The following CPVL variants were observed in gnomAD, a reference collection of about 807,000 sequenced individuals.
CPVL encodes carboxypeptidase vitellogenic like.
In CPVL, 51 loss-of-function variants were observed where a neutral mutation model predicts 63.7. The observed-to-expected ratio is 0.80, with a 90% CI of 0.64 to 1.01. The LOEUF is 1.01. CPVL is among the 50% of genes least tolerant of loss of function. CPVL has a pLI of 0.00. For synonymous variants in CPVL, 195 were observed against 206.0 expected (o/e 0.95, Z 0.46); for missense variants, 530 against 573.1 (o/e 0.92, Z 0.77).
chr7:29,144,621 T>C (rs1166202441), intron 1 of CPVL, among the ~76,000 whole-genome samples: 1 of 152,122 alleles, frequency 6.6e-6, no homozygotes, highest in East Asian at 1.9e-4. Context: ...AACAGATATC[T>C]GATGATACCT....
chr7:29,142,134 G>A (rs541176136), intron 1 of CPVL, among the ~76,000 whole-genome samples: 1 of 152,300 alleles, frequency 6.6e-6, no homozygotes, highest in African/African-American at 2.4e-5. Context: ...CACTTTACTA[G>A]TGCAGATATG....
At chr7:29,056,214 T>C (rs1790715612) in intron 11 of CPVL, among the ~76,000 whole-genome samples, 1 of 152,194 alleles carries the variant, frequency 6.6e-6, no homozygotes, top group Non-Finnish European at 1.5e-5. Context: ...AAGTCCACAG[T>C]TCACATTAGA....
rs188290400 is a variant in CPVL, at chr7:29,061,318, C to A, written c.1137+2743G>T. ...ATCTCAGCTACTCAGGAGGCTGAGG[C>A]AGGAGAATCACTTGAACCCGGGATG... On this transcript the variant is annotated intron_variant, in intron 11 of 12. Transcript: ENST00000265394. Among the ~76,000 whole-genome samples the A allele has an allele frequency of 1.6e-3, 243 of 152,226 alleles. 2 individuals carry two copies. The highest frequency in any genetic ancestry group is 5.4e-3 in the African/African-American group (224 of 41,524).
rs1271261043 is a variant in CPVL at position 28,995,300 on chromosome 7, T to C, written c.*472A>G. The C allele has an allele frequency of 6.5e-6, 1 of 152,988 alleles. No individual in the cohort carries two copies. The highest frequency in any genetic ancestry group is 1.5e-5 in the Non-Finnish European group (1 of 68,642). The allele number at this position is 152,988 out of a possible 1,614,324, so 9.5% of individuals were successfully genotyped here. A position where few individuals can be genotyped will look rare whatever the true frequency, so the allele number is the denominator to read the frequency against. ...CTAAGACTTTATACATTTGAGAATC[T>C]TTTCCCCAAAACTATTATAGCTTCA... On this transcript the variant is annotated 3_prime_UTR_variant, in exon 13 of 13. Transcript: ENST00000265394.
At chr7:29,006,201 C>T (rs57378958) in intron 12 of CPVL, among the ~76,000 whole-genome samples, 13,793 of 152,182 alleles carry the variant, frequency 0.091, 1,881 homozygotes, top group African/African-American at 0.3. Context: ...AAATTGGCTG[C>T]GTGAGAGTAT....
chr7:29,141,025 A>G (rs1261676431), intron 1 of CPVL, among the ~76,000 whole-genome samples: 1 of 152,286 alleles, frequency 6.6e-6, no homozygotes, highest in Middle Eastern at 3.4e-3. Flanking sequence ...CCCTTCCTGT[A>G]GAGTTCAAGA....
At chr7:29,052,129 G>T (rs1159723729) in intron 11 of CPVL, among the ~76,000 whole-genome samples, 1 of 151,892 alleles carries the variant, frequency 6.6e-6, no homozygotes, top group Non-Finnish European at 1.5e-5. Flanking sequence ...GAATGATACA[G>T]TGGACTTTGG....
chr7:29,184,507 G>C (rs1347214231), exon 4 of CPVL: 2 of 152,184 alleles, frequency 1.3e-5, no homozygotes, highest in Middle Eastern at 3.2e-3. Flanking sequence ...TGTCAAGACA[G>C]CAGGCTGGAA....
At position 29,094,824 on chromosome 7, in the gene CPVL, C is replaced by T. The variant is rs532173868; in HGVS notation, c.462+260G>A. 5.4e-5 allele frequency among the ~76,000 whole-genome samples: 8 copies of T among 149,416 alleles called. No homozygotes were observed. The South Asian group carries it at 6.4e-4, about 12-fold the overall frequency. On this transcript the variant is annotated intron_variant, in intron 5 of 12. Coordinates refer to ENST00000265394, the MANE Select transcript of CPVL (RefSeq NM_031311.5). ...GGTTGCAGTGAGCTGCCAGCCTGGG[C>T]GACAGAGCGAGACTCCATCTCAATA...
Position 29,021,340 on chromosome 7 carries a change from C to T in CPVL, c.1320+9237G>A, listed in dbSNP as rs138777263. On this transcript the variant is annotated intron_variant, in intron 12 of 12. Coordinates refer to ENST00000265394, the MANE Select transcript of CPVL (RefSeq NM_031311.5). ...ATTGAATCTGCAATTGAAAACCCTC[C>T]GTTGGAGGGGCTTCAAGATGGCTGC... Among the ~76,000 whole-genome samples the T allele has an allele frequency of 2.8e-3, 428 of 152,218 alleles. 1 individual carries two copies. Among genetic ancestry groups the T allele is most frequent in the African/African-American group, 9.6e-3 (400 of 41,536 alleles).
intron 12 of CPVL, among the ~76,000 whole-genome samples, chr7:29,003,156 A>T (rs544508293): frequency 1.2e-4 from 12 of 101,006 alleles, no homozygotes; most frequent in Admixed American, 5.7e-4. Flanking sequence ...GTGTATGTGC[A>T]CACACACACA....
At chr7:29,100,785 C>A (rs1289098130) in intron 3 of CPVL, among the ~76,000 whole-genome samples, 4 of 152,196 alleles carry the variant, frequency 2.6e-5, no homozygotes, top group African/African-American at 9.7e-5. Flanking sequence ...GGCTCAATAA[C>A]CCTGGAAGAA....
chr7:29,194,987 T>A, intron 1 of CPVL: 1 of 1,586,974 alleles, frequency 6.3e-7, no homozygotes, highest in Non-Finnish European at 8.6e-7. Context: ...GTCGGTGTCC[T>A]CCGGTGAGTT....
intron 6 of CPVL, among the ~76,000 whole-genome samples, chr7:29,092,176 T>C (rs1386638427): frequency 7.5e-6 from 1 of 132,692 alleles, no homozygotes; most frequent in Admixed American, 7.1e-5. Flanking sequence ...ACTTTACATT[T>C]TTCCTTTTTT....
At chr7:29,116,958 A>G (rs1024887341) in intron 2 of CPVL, among the ~76,000 whole-genome samples, 1 of 152,218 alleles carries the variant, frequency 6.6e-6, no homozygotes, top group South Asian at 2.1e-4. Flanking sequence ...AGACTCGATA[A>G]ACAAAAGGGA....
chr7:29,070,927 A>G (rs79952976), intron 9 of CPVL, among the ~76,000 whole-genome samples: 7,854 of 152,320 alleles, frequency 0.052, 233 homozygotes, highest in Middle Eastern at 0.085. Flanking sequence ...TTTAATAACA[A>G]TAACGACATT....
At chr7:29,141,246 T>C (rs1791839315) in intron 1 of CPVL, among the ~76,000 whole-genome samples, 1 of 152,188 alleles carries the variant, frequency 6.6e-6, no homozygotes, top group Non-Finnish European at 1.5e-5. Flanking sequence ...GGGAATAGCA[T>C]GAAAGATTTA....
At chr7:29,191,048 C>G (rs1353094488) in intron 1 of CPVL, among the ~76,000 whole-genome samples, 1 of 152,088 alleles carries the variant, frequency 6.6e-6, no homozygotes, top group Non-Finnish European at 1.5e-5. Flanking sequence ...AATTCTCCCC[C>G]CTCAGCCTCC....
At chr7:29,179,932 C>A (rs1797852002) in intron 5 of CPVL, among the ~76,000 whole-genome samples, 1 of 152,178 alleles carries the variant, frequency 6.6e-6, no homozygotes, top group South Asian at 2.1e-4. Flanking sequence ...ATTAAGATAA[C>A]TTACATTGCT....
Sources: gnomAD v4.1 joint callset for allele counts (sites outside exome capture counted in the v4.1 genomes callset) on GRCh38, gnomAD v4.1.1 for gene constraint, MANE v1.5 for transcripts, NCBI Gene and HGNC (gene_info 2026-07-23, HGNC 2026-07-21) for gene names.